The following UBE2E1 variants were observed in gnomAD, a reference collection of about 807,000 sequenced individuals.
UBE2E1 encodes ubiquitin-conjugating enzyme E2 E1.
UBE2E1 carries 6 observed loss-of-function variants against 21.4 expected under a neutral mutation model. The observed-to-expected ratio is 0.28, with a 90% CI of 0.15 to 0.55. The LOEUF (loss-of-function observed/expected upper bound fraction) is 0.55. Among genes scored for constraint, UBE2E1 ranks in the 20% least tolerant of loss-of-function variants. The pLI, the probability that UBE2E1 is intolerant of heterozygous loss-of-function variation, is 0.93. For missense variants in UBE2E1, 142 were observed against 236.5 expected (o/e 0.60, Z 2.62); for synonymous variants, 87 against 82.7 (o/e 1.05, Z -0.28).
intron 3 of UBE2E1, among the ~76,000 whole-genome samples, chr3:23,819,436 C>T (rs935625882): frequency 5.3e-5 from 8 of 152,032 alleles, no homozygotes; most frequent in Admixed American, 1.3e-4. Flanking sequence ...ATTTTCTAGA[C>T]GATTAGAAGC....
intron 3 of UBE2E1, among the ~76,000 whole-genome samples, chr3:23,846,745 G>T (rs1362869368): frequency 6.7e-6 from 1 of 148,454 alleles, no homozygotes; most frequent in Non-Finnish European, 1.5e-5. Context: ...GATGGAAAAT[G>T]GAATGTTTAA....
At chr3:23,877,539 C>T (rs187811318) in intron 3 of UBE2E1, among the ~76,000 whole-genome samples, 2 of 152,140 alleles carry the variant, frequency 1.3e-5, no homozygotes, top group Non-Finnish European at 2.9e-5. Flanking sequence ...TTAGCACCTC[C>T]CTCCCGTTTG....
intron 3 of UBE2E1, among the ~76,000 whole-genome samples, chr3:23,884,280 A>ATAAG (rs1701125374): frequency 6.6e-6 from 1 of 152,196 alleles, no homozygotes; most frequent in Admixed American, 6.5e-5. Flanking sequence ...ATCACAGGTG[A>ATAAG]TAAGCTATCA....
intron 5 of UBE2E1, 102 bp downstream of exon 5, chr3:23,889,361 T>G (rs760137425): frequency 6.4e-7 from 1 of 1,570,906 alleles, no homozygotes; most frequent in South Asian, 1.2e-5. Flanking sequence ...TGCACAAGTT[T>G]GTGAATACAA....
rs1699688035 is a variant in UBE2E1 at position 23,823,482 on chromosome 3, A to G, written c.203+11972A>G. Among the ~76,000 whole-genome samples, 2 of 152,228 alleles carry G rather than the reference A, an allele frequency of 1.3e-5. No homozygotes were observed. Among genetic ancestry groups the G allele is most frequent in the Non-Finnish European group, 2.9e-5 (2 of 68,042 alleles). ...ACGTAGGAATTTTGCTCCACAAGTA[A>G]TTTAAATTGTTCCTACTACCACTTA... On this transcript the variant is annotated intron_variant, in intron 3 of 5. Coordinates refer to ENST00000306627, the MANE Select transcript of UBE2E1 (RefSeq NM_003341.5). This position sits in a 1 kb window ranked among gnomAD's most constrained non-coding sequence, Gnocchi z 4.2.
intron 2 of UBE2E1, among the ~76,000 whole-genome samples, chr3:23,809,590 T>A (rs1381826474): frequency 1.3e-5 from 2 of 152,240 alleles, no homozygotes; most frequent in African/African-American, 4.8e-5. Flanking sequence ...ATGCAAATGC[T>A]GTCTGTCAAG....
At chr3:23,885,183 TAGAG>T (rs1174068406) in intron 3 of UBE2E1, among the ~76,000 whole-genome samples, 4 of 152,212 alleles carry the variant, frequency 2.6e-5, no homozygotes. Flanking sequence ...AGAGAAAAGT[TAGAG>T]AGCTTTTGAG....
intron 3 of UBE2E1, among the ~76,000 whole-genome samples, chr3:23,849,202 T>G (rs1055423337): frequency 6.6e-6 from 1 of 152,208 alleles, no homozygotes; most frequent in African/African-American, 2.4e-5. Context: ...ACTGTTTTCC[T>G]AAGTGCATTG....
intron 5 of UBE2E1, among the ~76,000 whole-genome samples, 199 bp from the exon 6 acceptor site, chr3:23,890,310 C>CTAAA (rs1701361502): frequency 6.6e-6 from 1 of 152,146 alleles, no homozygotes; most frequent in Non-Finnish European, 1.5e-5. Context: ...ACACTAAAGC[C>CTAAA]TAAGCATTCC....
At chr3:23,875,840 T>C (rs1346205163) in intron 3 of UBE2E1, among the ~76,000 whole-genome samples, 1 of 152,384 alleles carries the variant, frequency 6.6e-6, no homozygotes, top group South Asian at 2.1e-4. Context: ...TGGCGTGATC[T>C]CATCTCACTG....
In UBE2E1 at chr3:23,890,634, TTGTC is replaced by T. The variant is rs1559497993; in HGVS notation, c.*33_*36del. 3 of 1,607,484 alleles carry T rather than the reference TTGTC, an allele frequency of 1.9e-6. No homozygotes were observed. Among genetic ancestry groups the T allele is most frequent in the South Asian group, 1.1e-5 (1 of 90,270 alleles). ...TGGGGTTTCACAATTCTTACATTAT[TTGTC>T]TGTCACAGAAGAGAGCTGCTTATGA... On this transcript the variant is annotated 3_prime_UTR_variant, in exon 6 of 6. Coordinates refer to ENST00000306627, the MANE Select transcript of UBE2E1 (RefSeq NM_003341.5).
In UBE2E1 at chr3:23,887,816, A is replaced by G; in HGVS notation, c.336+117A>G. 1 of 1,351,528 alleles carries G rather than the reference A, an allele frequency of 7.4e-7. No individual in the cohort carries two copies. The highest frequency in any genetic ancestry group is 9.9e-7 in the Non-Finnish European group (1 of 1,008,096). 83.7% of individuals were successfully genotyped at this position (1,351,528 alleles called of 1,614,324 possible). A position where few individuals can be genotyped will look rare whatever the true frequency, so the allele number is the denominator to read the frequency against. ...CTAGATTTATCTTATGTCCTAATAG[A>G]TCTGAGTATTTTAACATATACAAAA... On this transcript the variant is annotated intron_variant, in intron 4 of 5. Transcript: ENST00000306627. The surrounding 1 kb of genome is among the most constrained non-coding windows in gnomAD (Gnocchi z 4.4).
chr3:23,850,558 A>G (rs1255997913), intron 3 of UBE2E1, among the ~76,000 whole-genome samples: 3 of 151,008 alleles, frequency 2.0e-5, no homozygotes, highest in African/African-American at 4.9e-5. Context: ...TTGTTCAGTC[A>G]CCAGAGCAGT....
chr3:23,807,004 C>T (rs944165762), intron 1 of UBE2E1: 11 of 316,946 alleles, frequency 3.5e-5, no homozygotes, highest in Non-Finnish European at 5.7e-5. Context: ...GGAGGGGCCT[C>T]TCTCCTAGCT....
intron 3 of UBE2E1, among the ~76,000 whole-genome samples, chr3:23,819,562 T>C (rs992437048): frequency 2.0e-5 from 3 of 152,084 alleles, no homozygotes; most frequent in Non-Finnish European, 4.4e-5. Flanking sequence ...TCCTCGAGAG[T>C]AGGGATTATT....
rs72625902 is a variant in UBE2E1 at position 23,826,523 on chromosome 3, G to C, written c.203+15013G>C. On this transcript the variant is annotated intron_variant, in intron 3 of 5. Coordinates refer to ENST00000306627, the MANE Select transcript of UBE2E1 (RefSeq NM_003341.5). ...ACAGCAGGGAAACTAGGAGAGTTGG[G>C]CAGCTTGGAAACAGGGAACCTCAGC... Among the ~76,000 whole-genome samples, 434 of 152,272 alleles carry C rather than the reference G, an allele frequency of 2.9e-3. 11 individuals carry two copies. The East Asian group carries it at 0.044, about 16-fold the overall frequency.
chr3:23,811,504 A>G lies in UBE2E1; in HGVS notation c.197A>G (p.Asn66Ser). 2 of 1,614,110 alleles carry G rather than the reference A, an allele frequency of 1.2e-6. No homozygotes were observed. Among genetic ancestry groups the G allele is most frequent in the Non-Finnish European group, 1.7e-6 (2 of 1,179,978 alleles). Residue 66 changes from asparagine to serine, a missense_variant, in exon 3 of 6, where the codon AAT becomes AGT. Physicochemically the swap from Asn to Ser is conservative, Grantham distance 46. Transcript: ENST00000306627. ...GACATCACTTTAGACCCTCCACCTA[A>G]TTGCAGGTGAGTTGCTTTTCGGATT... is the stretch of plus-strand genomic sequence containing the variant. ...LADITLDPPPNCSAGPKGDNI... is the reference protein window; with the variant it reads ...LADITLDPPPSCSAGPKGDNI...
At chr3:23,834,408 C>T (rs988357916) in intron 3 of UBE2E1, among the ~76,000 whole-genome samples, 1 of 152,110 alleles carries the variant, frequency 6.6e-6, no homozygotes, top group African/African-American at 2.4e-5. Context: ...TTCTACTTGC[C>T]CACTTAAAAT....
At chr3:23,858,133 T>C (rs2125311839) in intron 3 of UBE2E1, among the ~76,000 whole-genome samples, 1 of 152,318 alleles carries the variant, frequency 6.6e-6, no homozygotes, top group Non-Finnish European at 1.5e-5. Flanking sequence ...GAAGGCTCTA[T>C]GGCAGATACC....
Sources: gnomAD v4.1 joint callset for allele counts (sites outside exome capture counted in the v4.1 genomes callset) on GRCh38, gnomAD v4.1.1 for gene constraint, Gnocchi (gnomAD v3.1) non-coding constraint, MANE v1.5 for transcripts, NCBI Gene and HGNC (gene_info 2026-07-23, HGNC 2026-07-21) for gene names.